POU5F1B: variants seen among roughly 807,000 people sequenced by gnomAD.
The protein encoded by POU5F1B is POU domain, class 5, transcription factor 1B.
Under a neutral mutation model 28.1 loss-of-function variants are expected in POU5F1B, and 24 were observed. The observed-to-expected ratio is 0.85, with a 90% CI of 0.62 to 1.20. The LOEUF is 1.20. Ranked by LOEUF, POU5F1B falls within the 50% of genes most tolerant of loss-of-function variation. The probability of loss-of-function intolerance (pLI) is 0.00; values close to 1 mark genes in which losing one functional copy is unlikely to be tolerated. For synonymous variants in POU5F1B, 220 were observed against 193.2 expected (o/e 1.14, Z -1.15); for missense variants, 451 against 451.5 (o/e 1.00, Z 0.01).
At chr8:127,416,057 C>T (rs1179024822) in exon 3 of POU5F1B, 1 of 1,610,466 alleles carries the variant, frequency 6.2e-7, no homozygotes, top group South Asian at 1.1e-5. Flanking sequence ...CCCCCTTGCC[C>T]CCCGCCGTAT....
exon 3 of POU5F1B, chr8:127,416,967 TGGGGAACAGGGGA>T (rs920588496): frequency 1.3e-6 from 2 of 1,593,532 alleles, no homozygotes; most frequent in Middle Eastern, 1.7e-4. Flanking sequence ...CTTCTAGGAA[TGGGGAACAGGGGA>T]GGGGAGGAGC....
chr8:127,416,705 G>A (rs751963914), exon 3 of POU5F1B: 2 of 1,609,058 alleles, frequency 1.2e-6, no homozygotes, highest in Admixed American at 1.7e-5. Context: ...TTCTGTAACC[G>A]GCGCCAGAAG....
At chr8:127,417,194 T>TAAAAAAAAAAAAAAAAAAAAAAAAAAA (rs71303488) in exon 3 of POU5F1B, 1 of 223,408 alleles carries the variant, frequency 4.5e-6, no homozygotes, top group Non-Finnish European at 8.1e-6. Context: ...TGGGACACAG[T>TAAAAAAAAAAAAAAAAAAAAAAAAAAA]AAAAAAAAAA....
chr8:127,417,211 GAAAGA>G (rs10528512), exon 3 of POU5F1B: 1 of 291,050 alleles, frequency 3.4e-6, no homozygotes, highest in Non-Finnish European at 6.4e-6. Flanking sequence ...AAAAAAAAAA[GAAAGA>G]AAAGAAAAGT....
exon 3 of POU5F1B, chr8:127,416,769 G>A: frequency 6.2e-7 from 1 of 1,607,404 alleles, no homozygotes; most frequent in South Asian, 1.1e-5. Context: ...AGGCTGCTGG[G>A]TCTCCTTTCT....
At position 127,415,220 on chromosome 8, in the gene POU5F1B, A is replaced by T. The variant is rs75026270; in HGVS notation, c.-425+198A>T. Among the ~76,000 whole-genome samples the T allele has an allele frequency of 6.0e-3, 917 of 152,308 alleles. 11 individuals are homozygous for T. The highest frequency in any genetic ancestry group is 0.02 in the African/African-American group (849 of 41,570). On this transcript the variant is annotated intron_variant, in intron 2 of 2. Coordinates refer to ENST00000465342, the Ensembl canonical transcript of POU5F1B. Reference sequence around the variant, plus strand: ...TTTTAAGCTATTAAGTTTTGAGGTGATCTATTACACAATGATAAACAACTA... The same window carrying T: ...TTTTAAGCTATTAAGTTTTGAGGTGTTCTATTACACAATGATAAACAACTA...
chr8:127,416,398 G>T (rs564569832), exon 3 of POU5F1B: 2 of 1,608,200 alleles, frequency 1.2e-6, no homozygotes, highest in Non-Finnish European at 8.5e-7. Flanking sequence ...ATTTGGGAAG[G>T]TGTTCAGCCA....
At chr8:127,416,405 G>A in exon 3 of POU5F1B, 1 of 1,608,080 alleles carries the variant, frequency 6.2e-7, no homozygotes, top group Non-Finnish European at 8.5e-7. Flanking sequence ...AAGGTGTTCA[G>A]CCAAAAGACC....
rs974933085 is a variant in POU5F1B, at chr8:127,416,238, G to A, written c.372G>A (p.Leu124=). 1.5e-5 allele frequency: 25 copies of A among 1,613,778 alleles called. 1 individual carries two copies. The African/African-American group carries it at 1.9e-4, about 12-fold the overall frequency. Residue 124 remains leucine (L), a synonymous_variant, in exon 3 of 3, where the codon CTG becomes CTA. Transcript: ENST00000465342. ...CCGTCCCCCCTGGTGCCGTGAAGCT[G>A]GAGAAGGAGAAGCTAGAGCAAAACC...
exon 3 of POU5F1B, chr8:127,415,976 G>A: frequency 6.3e-7 from 1 of 1,581,196 alleles, no homozygotes; most frequent in Admixed American, 1.8e-5. Context: ...ACCTGGCTAA[G>A]CTTCCAAGGC....
exon 3 of POU5F1B, chr8:127,416,321 T>C: frequency 6.2e-7 from 1 of 1,613,318 alleles, no homozygotes; most frequent in Non-Finnish European, 8.5e-7. Flanking sequence ...TTTGCCAAGC[T>C]CCTGAAGCAG....
At chr8:127,415,231 A>G (rs775024829) in intron 2 of POU5F1B, among the ~76,000 whole-genome samples, 4 of 152,226 alleles carry the variant, frequency 2.6e-5, no homozygotes, top group Admixed American at 6.5e-5. Flanking sequence ...TCTATTACAC[A>G]ATGATAAACA....
chr8:127,416,818 C>T (rs1366313943), exon 3 of POU5F1B: 7 of 1,605,210 alleles, frequency 4.4e-6, no homozygotes, highest in East Asian at 2.2e-5. Context: ...CCCAGGGCCC[C>T]ATTTTGGTAC....
At position 127,416,221 on chromosome 8, in the gene POU5F1B, C is replaced by G. The variant is rs182632506; in HGVS notation, c.355C>G (p.Pro119Ala). 180 of 1,613,770 alleles carry G rather than the reference C, an allele frequency of 1.1e-4. No individual in the cohort carries two copies. Among genetic ancestry groups the G allele is most frequent in the Non-Finnish European group, 1.4e-4 (165 of 1,179,842 alleles). Residue 119 changes from proline to alanine, a missense_variant, in exon 3 of 3, where the codon CCT becomes GCT. Coordinates refer to ENST00000465342, the Ensembl canonical transcript of POU5F1B. Reference sequence around the variant, plus strand: ...CTCCCCGGAACCCTGCACCGTCCCCCCTGGTGCCGTGAAGCTGGAGAAGGA... The same window carrying G: ...CTCCCCGGAACCCTGCACCGTCCCCGCTGGTGCCGTGAAGCTGGAGAAGGA...
chr8:127,415,832 C>G, exon 3 of POU5F1B: 1 of 1,485,398 alleles, frequency 6.7e-7, no homozygotes, highest in Non-Finnish European at 8.9e-7. Flanking sequence ...TTGCTCATTT[C>G]ACCAGGCCCC....
chr8:127,416,434 C>G, exon 3 of POU5F1B: 2 of 1,608,596 alleles, frequency 1.2e-6, no homozygotes, highest in Non-Finnish European at 1.7e-6. Flanking sequence ...CTTTGAGGCT[C>G]TGCAGCTTAG....
chr8:127,416,885 AG>A lies in POU5F1B; in HGVS notation c.1024del (p.Glu342LysfsTer76), dbSNP rs545756863. On this transcript the variant is annotated frameshift_variant, in exon 3 of 3. Coordinates refer to ENST00000465342, the Ensembl canonical transcript of POU5F1B. LOFTEE classifies it high-confidence loss of function. The stretch of plus-strand genomic sequence containing the variant: ...CTGTACTCCTCAGTCCCTTTCCCTG[AG>A]GGGGAAGTCTTTCCCCCAGTCTCCG... The A allele has an allele frequency of 2.6e-4, 412 of 1,600,282 alleles. 1 individual carries two copies. In the African/African-American group the frequency reaches 5.1e-3, roughly 20 times the overall value.
At chr8:127,415,886 C>T (rs1210806506) in exon 3 of POU5F1B, 19 of 1,532,208 alleles carry the variant, frequency 1.2e-5, no homozygotes, top group Non-Finnish European at 1.6e-5. Flanking sequence ...CACCTGGCTT[C>T]GGATTTCGCC....
rs566751463 is a variant in POU5F1B at position 127,416,044 on chromosome 8, A to C, written c.178A>C (p.Ile60Leu). Reference sequence around the variant, plus strand: ...TGGGCCAGGCTCTGAGGTGTGGGGGATTCCCCCTTGCCCCCCGCCGTATGA... The same window carrying C: ...TGGGCCAGGCTCTGAGGTGTGGGGGCTTCCCCCTTGCCCCCCGCCGTATGA... The change falls in exon 3 of 3, where the codon ATT (isoleucine) becomes CTT (leucine). Residue 60 changes from isoleucine to leucine, a missense_variant. Around this residue, in one of 3 missense-constraint regions of POU5F1B, gnomAD observed 233 missense variants for 210.7 expected, o/e 1.11. Coordinates refer to ENST00000465342, the Ensembl canonical transcript of POU5F1B. 2.0e-5 allele frequency: 32 copies of C among 1,607,300 alleles called. No homozygotes were observed. In the East Asian group the frequency reaches 7.2e-4, roughly 36 times the overall value.
Sources: gnomAD v4.1 joint callset for allele counts (sites outside exome capture counted in the v4.1 genomes callset) on GRCh38, gnomAD v4.1.1 for gene constraint, gnomAD v4.1.1 regional missense constraint, MANE v1.5 for transcripts, NCBI Gene and HGNC (gene_info 2026-07-23, HGNC 2026-07-21) for gene names.